The following DDX6 variants were observed in gnomAD, a reference collection of about 807,000 sequenced individuals.
The protein encoded by DDX6 is DEAD-box helicase 6.
DDX6 carries 7 observed loss-of-function variants against 60.6 expected under a neutral mutation model. The ratio of observed to expected loss-of-function variants is 0.12; its 90% CI spans 0.07 to 0.22. DDX6 has a LOEUF of 0.22. DDX6 is among the 10% of genes least tolerant of loss of function. DDX6 has a pLI of 1.00. For synonymous variants in DDX6, 207 were observed against 201.0 expected (o/e 1.03, Z -0.25); for missense variants, 270 against 589.9 (o/e 0.46, Z 5.62).
chr11:118,777,897 G>GAAAAAAAAAAAAA (rs374046858), intron 4 of DDX6, among the ~76,000 whole-genome samples: 2 of 99,596 alleles, frequency 2.0e-5, no homozygotes, highest in African/African-American at 4.0e-5. Flanking sequence ...TCAAAAAAGA[G>GAAAAAAAAAAAAA]AAAAAAAAAA....
intron 1 of DDX6, 31 bp from the exon 2 acceptor site, chr11:118,786,549 AAC>A (rs962821713): frequency 3.6e-5 from 9 of 251,632 alleles, no homozygotes; most frequent in African/African-American, 1.8e-4. Flanking sequence ...TAAATTAGCA[AAC>A]ACAACAGAAA....
intron 4 of DDX6, among the ~76,000 whole-genome samples, chr11:118,770,409 C>A (rs375269917): frequency 1.3e-5 from 2 of 152,106 alleles, no homozygotes; most frequent in African/African-American, 4.8e-5. Context: ...CCTGGGCTAA[C>A]GACAAAAACA....
At position 118,748,617 on chromosome 11, in the gene DDX6, C is replaced by G. The variant is rs1555156383; in HGVS notation, c.*3488G>C. The G allele has an allele frequency of 6.6e-6, 1 of 151,818 alleles. No homozygotes were observed. Among genetic ancestry groups the G allele is most frequent in the Admixed American group, 6.6e-5 (1 of 15,238 alleles). 9.4% of individuals were successfully genotyped at this position (151,818 alleles called of 1,614,324 possible). On this transcript the variant is annotated 3_prime_UTR_variant, in exon 14 of 14. Coordinates refer to ENST00000534980, the MANE Select transcript of DDX6 (RefSeq NM_004397.6). Reference sequence around the variant, plus strand: ...AAGAACTTATTTCATTTTTTTGTTACTCATCTAGAAGGTCAGGAGTGTGGC... The same window carrying G: ...AAGAACTTATTTCATTTTTTTGTTAGTCATCTAGAAGGTCAGGAGTGTGGC...
intron 1 of DDX6, chr11:118,788,567 T>G (rs995846840): frequency 3.3e-5 from 5 of 152,042 alleles, no homozygotes; most frequent in African/African-American, 1.2e-4. Context: ...CCAGCTAATT[T>G]TTGTATTTTT....
chr11:118,771,627 A>T (rs1403040727), intron 4 of DDX6, among the ~76,000 whole-genome samples: 1 of 152,236 alleles, frequency 6.6e-6, no homozygotes, highest in Non-Finnish European at 1.5e-5. Flanking sequence ...AAGGCAAAGG[A>T]GGAAGGAAAC....
chr11:118,762,273 C>CAA (rs782743103), intron 7 of DDX6, among the ~76,000 whole-genome samples: 1,506 of 131,772 alleles, frequency 0.011, 18 homozygotes, highest in African/African-American at 0.027. Flanking sequence ...GAGTCTGTCT[C>CAA]AAAAAAAAAA....
intron 8 of DDX6, 47 bp from the exon 9 acceptor site, chr11:118,758,949 C>CA: frequency 6.2e-7 from 1 of 1,607,796 alleles, no homozygotes; most frequent in Non-Finnish European, 8.5e-7. Flanking sequence ...TAAATGAAAG[C>CA]AGAGTTCATC....
chr11:118,781,139 A>T lies in DDX6; in HGVS notation c.246T>A (p.Asp82Glu). 1 of 1,605,264 alleles carries T rather than the reference A, an allele frequency of 6.2e-7. No homozygotes were observed. The highest frequency in any genetic ancestry group is 8.5e-7 in the Non-Finnish European group (1 of 1,174,632). Residue 82 changes from aspartate to glutamate, a missense_variant, in exon 3 of 14, where the codon GAT (aspartate) becomes GAA (glutamate). Physicochemically the swap from Asp to Glu is conservative, Grantham distance 45. Transcript: ENST00000534980. ...WKKTLKLPPK[D>E]LRIKTSDVTS... ...AACTTACCGAAGTTTTGATTCTTAG[A>T]TCCTTTGGAGGGAGTTTTAAAGTCT...
chr11:118,757,407 CATG>C (rs1238070793), intron 9 of DDX6, 120 bp from the exon 10 acceptor site: 4 of 519,868 alleles, frequency 7.7e-6, no homozygotes, highest in African/African-American at 2.0e-5. Flanking sequence ...CTTAGAATCT[CATG>C]ATATGAGAGA....
chr11:118,786,347 G>C lies in DDX6; in HGVS notation c.-96C>G. Reference sequence around the variant, plus strand: ...TTTATTAGGCTCTCCAAAATGAAGAGATAAATATAAGTCTTGCTCAATAAA... The same window carrying C: ...TTTATTAGGCTCTCCAAAATGAAGACATAAATATAAGTCTTGCTCAATAAA... On this transcript the variant is annotated 5_prime_UTR_variant, in exon 2 of 14. The change creates a new upstream start codon in the 5' untranslated region. Transcript: ENST00000534980. 9.3e-7 allele frequency: 1 copy of C among 1,075,598 alleles called. No individual in the cohort carries two copies. Among genetic ancestry groups the C allele is most frequent in the African/African-American group, 1.6e-5 (1 of 63,016 alleles). 66.6% of individuals were successfully genotyped at this position (1,075,598 alleles called of 1,614,324 possible). A position where few individuals can be genotyped will look rare whatever the true frequency, so the allele number is the denominator to read the frequency against.
rs1486116832 is a variant in DDX6, at chr11:118,757,123, GA to G, written c.1110+47del. 9 of 980,922 alleles carry G rather than the reference GA, an allele frequency of 9.2e-6. No individual in the cohort carries two copies. The Admixed American group carries it at 2.3e-4, about 25-fold the overall frequency. The allele number at this position is 980,922 out of a possible 1,614,324, so 60.8% of individuals were successfully genotyped here. ...TAAAAGAACATTAAAACAAAATAAAGAAAGAGATTTCTTATTAAATTTGTGC... is the reference window on the plus strand; with the variant it reads ...TAAAAGAACATTAAAACAAAATAAAGAAGAGATTTCTTATTAAATTTGTGC... On this transcript the variant is annotated intron_variant, in intron 10 of 13. Coordinates refer to ENST00000534980, the MANE Select transcript of DDX6 (RefSeq NM_004397.6).
upstream of DDX6, chr11:118,791,717 G>A (rs1409790202): frequency 1.3e-5 from 2 of 152,318 alleles, no homozygotes; most frequent in African/African-American, 4.8e-5. Flanking sequence ...CGCGGAACTA[G>A]CGACCCGGAG....
intron 4 of DDX6, among the ~76,000 whole-genome samples, chr11:118,779,283 T>C (rs1405173155): frequency 1.3e-5 from 2 of 151,332 alleles, no homozygotes; most frequent in Non-Finnish European, 2.9e-5. Flanking sequence ...TAATTACAAA[T>C]AATACCTGAC....
intron 7 of DDX6, 148 bp from the exon 8 acceptor site, chr11:118,760,192 A>T: frequency 1.3e-6 from 1 of 786,040 alleles, no homozygotes; most frequent in South Asian, 2.1e-5. Flanking sequence ...CCAACACTGC[A>T]GAGAGTCAAA....
At chr11:118,780,017 G>GAGGCAGGA (rs1861837357) in intron 3 of DDX6, among the ~76,000 whole-genome samples, 3 of 148,382 alleles carry the variant, frequency 2.0e-5, no homozygotes, top group Non-Finnish European at 4.5e-5. Flanking sequence ...TTGGGAGGCT[G>GAGGCAGGA]AGGCAGGAGA....
intron 4 of DDX6, among the ~76,000 whole-genome samples, chr11:118,769,896 G>T (rs1194123399): frequency 1.3e-5 from 2 of 152,014 alleles, no homozygotes; most frequent in Non-Finnish European, 2.9e-5. Flanking sequence ...TTTTAGTAGA[G>T]ACGGGGTTTC....
At chr11:118,752,215 C>G (rs1306522875) in intron 13 of DDX6, 118 bp from the exon 14 acceptor site, 1 of 160,456 alleles carries the variant, frequency 6.2e-6, no homozygotes, top group African/African-American at 2.4e-5. Context: ...AACCCTGTGC[C>G]TACTATAGAA....
chr11:118,786,017 A>AC, intron 2 of DDX6, 35 bp downstream of exon 2: 3 of 1,585,908 alleles, frequency 1.9e-6, no homozygotes, highest in Non-Finnish European at 1.7e-6. Context: ...TTGGTTCCCC[A>AC]CAAGTGTTTA....
intron 13 of DDX6, among the ~76,000 whole-genome samples, chr11:118,754,298 G>C (rs1225574192): frequency 1.3e-5 from 2 of 152,178 alleles, no homozygotes; most frequent in Admixed American, 6.5e-5. Context: ...AGGCGTGGTG[G>C]CATGTGCCTA....
Sources: gnomAD v4.1 joint callset for allele counts (sites outside exome capture counted in the v4.1 genomes callset) on GRCh38, gnomAD v4.1.1 for gene constraint, MANE v1.5 for transcripts, NCBI Gene and HGNC (gene_info 2026-07-23, HGNC 2026-07-21) for gene names.